Variants in SMURF1 observed in about 807,000 individuals in gnomAD.
SMURF1 encodes SMAD specific E3 ubiquitin protein ligase 1.
SMURF1 carries 44 observed loss-of-function variants against 98.0 expected under a neutral mutation model. That is an observed-to-expected ratio of 0.45 (90% confidence interval 0.35 to 0.58). The LOEUF (loss-of-function observed/expected upper bound fraction) is 0.58, where lower values mean the gene tolerates loss of function less well. SMURF1 is among the 20% of genes least tolerant of loss of function. The pLI is 0.00. For missense variants in SMURF1, 687 were observed against 938.4 expected (o/e 0.73, Z 3.50); for synonymous variants, 396 against 374.9 (o/e 1.06, Z -0.65).
intron 8 of SMURF1, chr7:99,050,830 G>T: frequency 1.0e-6 from 1 of 959,622 alleles, no homozygotes; most frequent in Non-Finnish European, 1.5e-6. Flanking sequence ...ATATTAGGTA[G>T]TAATGCTATT....
chr7:99,092,187 C>T (rs1164718764), intron 1 of SMURF1, among the ~76,000 whole-genome samples: 2 of 152,178 alleles, frequency 1.3e-5, no homozygotes. Context: ...TATCACCTAT[C>T]GAGGACTCAA....
chr7:99,068,560 C>T lies in SMURF1; in HGVS notation c.56-6723G>A, dbSNP rs574831287. Among the ~76,000 whole-genome samples, 58 of 152,244 alleles carry T rather than the reference C, an allele frequency of 3.8e-4. 1 individual carries two copies. In the South Asian group the frequency reaches 7.0e-3, roughly 18 times the overall value. ...AGTGATCCTCCTGCCTCAGCCTCCC[C>T]AAGTGCTGAGATTACAGGACTAAGC... On this transcript the variant is annotated intron_variant, in intron 1 of 17. Coordinates refer to ENST00000361368, the MANE Select transcript of SMURF1 (RefSeq NM_181349.3).
At chr7:99,031,271 G>C (rs1240757537) in intron 17 of SMURF1, 2 of 152,184 alleles carry the variant, frequency 1.3e-5, no homozygotes, top group African/African-American at 4.8e-5. Context: ...AAACAAAATA[G>C]ATCTCAAAAC....
intron 1 of SMURF1, among the ~76,000 whole-genome samples, chr7:99,078,479 T>A (rs2150565105): frequency 6.6e-6 from 1 of 152,216 alleles, no homozygotes; most frequent in East Asian, 1.9e-4. Context: ...ACAAAAGGAA[T>A]CCTTAAAACA....
chr7:99,108,527 G>A (rs759609745), intron 1 of SMURF1, among the ~76,000 whole-genome samples: 4 of 138,268 alleles, frequency 2.9e-5, no homozygotes, highest in Admixed American at 8.1e-5. Context: ...CAGGAGGATC[G>A]CTTGAACCCA....
intron 1 of SMURF1, among the ~76,000 whole-genome samples, chr7:99,070,739 G>A (rs193241678): frequency 3.3e-5 from 5 of 152,058 alleles, no homozygotes; most frequent in East Asian, 3.9e-4. Flanking sequence ...TTCCTAGCAC[G>A]GAAGCACAGG....
At chr7:99,040,590 G>C in intron 12 of SMURF1, 34 bp from the exon 13 acceptor site, 2 of 1,389,542 alleles carry the variant, frequency 1.4e-6, no homozygotes, top group Non-Finnish European at 1.9e-6. Context: ...GAATTTGTCA[G>C]CATGGTGCCG....
chr7:99,110,337 G>C (rs938635044), intron 1 of SMURF1, among the ~76,000 whole-genome samples: 4 of 152,176 alleles, frequency 2.6e-5, no homozygotes, highest in Non-Finnish European at 5.9e-5. Context: ...TGGATAAAAA[G>C]ATGCAACATA....
chr7:99,124,496 C>T (rs372509450), intron 1 of SMURF1, among the ~76,000 whole-genome samples: 19 of 152,280 alleles, frequency 1.2e-4, no homozygotes, highest in African/African-American at 4.6e-4. Flanking sequence ...AGTGATCCAA[C>T]GGCAGGGAAG....
chr7:99,121,616 C>T (rs1039987507), intron 1 of SMURF1, among the ~76,000 whole-genome samples: 4 of 152,196 alleles, frequency 2.6e-5, no homozygotes, highest in Non-Finnish European at 5.9e-5. Flanking sequence ...GGAAGTAAAG[C>T]TCAGCTTTGA....
intron 1 of SMURF1, among the ~76,000 whole-genome samples, chr7:99,102,432 A>G (rs1226108323): frequency 6.6e-6 from 1 of 152,214 alleles, no homozygotes; most frequent in Non-Finnish European, 1.5e-5. Flanking sequence ...TTAAAGGGGC[A>G]AATTATATGG....
intron 1 of SMURF1, among the ~76,000 whole-genome samples, chr7:99,077,848 A>C (rs1463239256): frequency 6.6e-6 from 1 of 152,238 alleles, no homozygotes; most frequent in East Asian, 1.9e-4. Flanking sequence ...CCACAGAAAA[A>C]TACAAAGTTT....
chr7:99,079,769 G>T (rs1390277357), intron 1 of SMURF1, among the ~76,000 whole-genome samples: 1 of 152,052 alleles, frequency 6.6e-6, no homozygotes, highest in Non-Finnish European at 1.5e-5. Flanking sequence ...GTAGAAATGA[G>T]AAACTGTTTC....
chr7:99,048,841 A>C (rs1413157299), intron 9 of SMURF1: 1 of 152,300 alleles, frequency 6.6e-6, no homozygotes, highest in Admixed American at 6.5e-5. Flanking sequence ...CTATAATCCC[A>C]GCACTTCGGG....
At position 99,040,461 on chromosome 7, in the gene SMURF1, G is replaced by A. The variant is rs2150508299; in HGVS notation, c.1467C>T (p.Tyr489=). 1 of 1,593,214 alleles carries A rather than the reference G, an allele frequency of 6.3e-7. No homozygotes were observed. Among genetic ancestry groups the A allele is most frequent in the African/African-American group, 1.3e-5 (1 of 74,222 alleles). ...YINGGFTVPF[Y]KQLLGKPIQL... ...GGATGGGCTTCCCCAGCAGCTGCTT[G>A]TAGAAGGGCACTGTGAAGCCCCCGT... Residue 489 remains tyrosine, a synonymous_variant, in exon 13 of 18, where the codon TAC becomes TAT. Coordinates refer to ENST00000361368, the MANE Select transcript of SMURF1 (RefSeq NM_181349.3).
intron 1 of SMURF1, among the ~76,000 whole-genome samples, chr7:99,138,267 G>A (rs776668083): frequency 1.3e-4 from 20 of 152,168 alleles, no homozygotes; most frequent in Non-Finnish European, 2.8e-4. Flanking sequence ...ATCCATTTGA[G>A]GCTTTTTTGA....
In SMURF1 at chr7:99,038,423, C is replaced by T. The variant is rs746675955; in HGVS notation, c.1653G>A (p.Val551=). The T allele has an allele frequency of 1.9e-5, 30 of 1,614,106 alleles. No individual in the cohort carries two copies. The highest frequency in any genetic ancestry group is 1.2e-4 in the Admixed American group (7 of 60,010). ...CTTTCTTATTCTCCTCTGTGACTGG[C>T]ACATTTCTGCCATTGGGTTTCAGTT... The part of the protein sequence containing the change: ...QHELKPNGRN[V]PVTEENKKEY... The change falls in exon 14 of 18, where the codon GTG becomes GTA. Residue 551 remains valine, a synonymous_variant. Coordinates refer to ENST00000361368, the MANE Select transcript of SMURF1 (RefSeq NM_181349.3).
At chr7:99,104,130 G>A (rs926419274) in intron 1 of SMURF1, among the ~76,000 whole-genome samples, 3 of 152,034 alleles carry the variant, frequency 2.0e-5, no homozygotes, top group East Asian at 1.9e-4. Flanking sequence ...CAAGTGATCC[G>A]CCTGCCTCGG....
intron 9 of SMURF1, 21 bp from the exon 10 acceptor site, chr7:99,047,903 A>G (rs1456887201): frequency 1.2e-6 from 2 of 1,610,740 alleles, no homozygotes; most frequent in Non-Finnish European, 1.7e-6. Context: ...AGAGATGCAG[A>G]AAGTCACTCC....
Sources: gnomAD v4.1 joint callset for allele counts (sites outside exome capture counted in the v4.1 genomes callset) on GRCh38, gnomAD v4.1.1 for gene constraint, MANE v1.5 for transcripts, NCBI Gene and HGNC (gene_info 2026-07-23, HGNC 2026-07-21) for gene names.